The following CLASP1 variants were observed in gnomAD, a reference collection of about 807,000 sequenced individuals.
CLASP1 encodes cytoplasmic linker associated protein 1.
In CLASP1, 38 loss-of-function variants were observed where a neutral mutation model predicts 192.3. The ratio of observed to expected loss-of-function variants is 0.20; its 90% CI spans 0.15 to 0.26. The LOEUF is 0.26. CLASP1 is among the 10% of genes least tolerant of loss of function. The pLI, the probability that CLASP1 is intolerant of heterozygous loss-of-function variation, is 1.00. For missense variants in CLASP1, 1,433 were observed against 1,932.5 expected, an observed-to-expected ratio of 0.74 and a Z score of 4.85; for synonymous variants, 691 against 712.8, an observed-to-expected ratio of 0.97 and a Z score of 0.49.
At chr2:121,481,451 C>T (rs753491992) in intron 8 of CLASP1, among the ~76,000 whole-genome samples, 4 of 152,166 alleles carry the variant, frequency 2.6e-5, no homozygotes, top group Non-Finnish European at 5.9e-5. Context: ...TCCCCTTTGT[C>T]AAGCGTCCTT....
chr2:121,521,586 C>T (rs1277129563), intron 6 of CLASP1, among the ~76,000 whole-genome samples: 1 of 152,200 alleles, frequency 6.6e-6, no homozygotes, highest in Non-Finnish European at 1.5e-5. Context: ...TTACTTGTAA[C>T]CAAAAGCATC....
chr2:121,490,738 T>G (rs1156652463), intron 8 of CLASP1, among the ~76,000 whole-genome samples: 1 of 152,256 alleles, frequency 6.6e-6, no homozygotes, highest in African/African-American at 2.4e-5. Flanking sequence ...TAGGTGGGCT[T>G]CTTAGCACAG....
At chr2:121,420,022 G>A (rs76644760) in intron 22 of CLASP1, among the ~76,000 whole-genome samples, 3,480 of 151,936 alleles carry the variant, frequency 0.023, 49 homozygotes, top group Non-Finnish European at 0.035. Context: ...AAAAGAATAC[G>A]AAAGGGAAAA....
At chr2:121,387,307 C>A in intron 31 of CLASP1, 79 bp from the exon 33 acceptor site, 1 of 1,016,754 alleles carries the variant, frequency 9.8e-7, no homozygotes, top group Admixed American at 3.5e-5. Flanking sequence ...GTCTTTTAAC[C>A]CACATGTAAA....
At chr2:121,531,042 A>ACAGC (rs2094823584) in intron 2 of CLASP1, 1 of 698,744 alleles carries the variant, frequency 1.4e-6, no homozygotes, top group Admixed American at 2.0e-5. Context: ...ATCAGTTCAA[A>ACAGC]CAGCAGTAAT....
intron 2 of CLASP1, among the ~76,000 whole-genome samples, chr2:121,553,284 C>A (rs1364650713): frequency 6.6e-6 from 1 of 152,132 alleles, no homozygotes; most frequent in African/African-American, 2.4e-5. Flanking sequence ...GTACAACAAA[C>A]CCCTGTGACA....
intron 30 of CLASP1, among the ~76,000 whole-genome samples, chr2:121,392,260 C>T (rs2074493378): frequency 1.3e-5 from 2 of 152,182 alleles, no homozygotes; most frequent in South Asian, 4.1e-4. Flanking sequence ...AATTAAAATT[C>T]TACTGCCATT....
chr2:121,451,223 T>C (rs1011827486), intron 15 of CLASP1, among the ~76,000 whole-genome samples: 7 of 152,234 alleles, frequency 4.6e-5, no homozygotes, highest in African/African-American at 1.7e-4. Context: ...GCCTAAGGAC[T>C]TTGATAACCC....
At chr2:121,515,845 C>T (rs1294345690) in intron 6 of CLASP1, 83 bp from the exon 7 acceptor site, 12 of 1,035,144 alleles carry the variant, frequency 1.2e-5, no homozygotes, top group Non-Finnish European at 1.5e-5. Context: ...CCATATACCA[C>T]CCCAATTTAT....
chr2:121,409,182 C>T (rs995300405), intron 24 of CLASP1: 5 of 668,266 alleles, frequency 7.5e-6, no homozygotes, highest in South Asian at 2.0e-5. Context: ...GGTTAGCAAG[C>T]GTTTCATATC....
At chr2:121,381,503 T>C (rs2071648324) in intron 33 of CLASP1, among the ~76,000 whole-genome samples, 1 of 152,158 alleles carries the variant, frequency 6.6e-6, no homozygotes, top group African/African-American at 2.4e-5. Flanking sequence ...GGACCCTTCT[T>C]TGTACCACAG....
intron 24 of CLASP1, among the ~76,000 whole-genome samples, chr2:121,409,372 G>A (rs1230964726): frequency 1.3e-5 from 2 of 152,090 alleles, no homozygotes; most frequent in East Asian, 1.9e-4. Flanking sequence ...TCTGTCTGGC[G>A]CCGTGGTGTC....
intron 19 of CLASP1, among the ~76,000 whole-genome samples, chr2:121,433,545 A>G (rs1434951338): frequency 1.3e-5 from 2 of 152,188 alleles, no homozygotes; most frequent in Non-Finnish European, 2.9e-5. Context: ...TCTTGAGGAC[A>G]AGAGTTTGAC....
chr2:121,468,739 C>T (rs2090120264), intron 9 of CLASP1, among the ~76,000 whole-genome samples: 2 of 152,134 alleles, frequency 1.3e-5, no homozygotes, highest in African/African-American at 2.4e-5. Context: ...AGTTTGACTT[C>T]CTCTCTTCCT....
Position 121,398,412 on chromosome 2 carries a change from G to A in CLASP1, c.2901-12C>T. The stretch of plus-strand genomic sequence containing the variant: ...ATGGAAAGGAGTCCCTAGGTTGGTG[G>A]GAAAAAAGTGCTTATTTTTAAAGAA... On this transcript the variant is annotated splice_polypyrimidine_tract_variant and intron_variant, in intron 28 of 39. Coordinates refer to ENST00000263710, the Ensembl canonical transcript of CLASP1. 1.3e-6 allele frequency: 2 copies of A among 1,537,294 alleles called. No homozygotes were observed. The highest frequency in any genetic ancestry group is 1.8e-6 in the Non-Finnish European group (2 of 1,132,724).
intron 6 of CLASP1, among the ~76,000 whole-genome samples, chr2:121,521,561 G>C (rs2094457068): frequency 6.6e-6 from 1 of 152,160 alleles, no homozygotes; most frequent in Non-Finnish European, 1.5e-5. Context: ...TAATGATTCT[G>C]AGTTGGGCTT....
intron 2 of CLASP1, among the ~76,000 whole-genome samples, chr2:121,589,225 C>T (rs1357035869): frequency 6.6e-6 from 1 of 152,170 alleles, no homozygotes; most frequent in Non-Finnish European, 1.5e-5. Context: ...AGATTACTGA[C>T]CATCATTTTC....
chr2:121,451,717 T>TGGACCACTCACC, intron 15 of CLASP1, 73 bp downstream of exon 15: 1 of 1,189,992 alleles, frequency 8.4e-7, no homozygotes, highest in Non-Finnish European at 1.2e-6. Context: ...GAAAGCCAGC[T>TGGACCACTCACC]GGACCACTCA....
intron 6 of CLASP1, among the ~76,000 whole-genome samples, chr2:121,522,408 C>T (rs2094478054): frequency 6.6e-6 from 1 of 152,126 alleles, no homozygotes; most frequent in Non-Finnish European, 1.5e-5. Context: ...AACTCCTGAC[C>T]AAAGCCTAGG....
Sources: allele counts gnomAD v4.1 joint callset (sites outside exome capture counted in the v4.1 genomes callset), GRCh38; gene constraint gnomAD v4.1.1; transcripts MANE v1.5; gene names NCBI Gene and HGNC (gene_info 2026-07-23, HGNC 2026-07-21).